The following ZMAT4 variants were observed in gnomAD, a reference collection of about 807,000 sequenced individuals.
ZMAT4 encodes zinc finger matrin-type 4.
ZMAT4 carries 17 observed loss-of-function variants against 28.7 expected under a neutral mutation model. The observed-to-expected ratio is 0.59, with a 90% confidence interval of 0.41 to 0.89. ZMAT4 has a LOEUF of 0.89. ZMAT4 is among the 40% of genes least tolerant of loss of function. The pLI is 0.00. For synonymous variants in ZMAT4, 117 were observed against 109.2 expected, an observed-to-expected ratio of 1.07 and a Z score of -0.44; for missense variants, 240 against 283.8, an observed-to-expected ratio of 0.85 and a Z score of 1.11.
intron 5 of ZMAT4, among the ~76,000 whole-genome samples, chr8:40,668,879 G>T (rs1320928695): frequency 4.1e-5 from 6 of 146,780 alleles, no homozygotes; most frequent in African/African-American, 5.0e-5. Flanking sequence ...CTTTTAAAGT[G>T]TTTTTTTTTT....
chr8:40,573,890 G>A (rs755050683), intron 6 of ZMAT4, among the ~76,000 whole-genome samples: 1 of 152,186 alleles, frequency 6.6e-6, no homozygotes, highest in Non-Finnish European at 1.5e-5. Flanking sequence ...AAAGTCACAA[G>A]AGGATTAAAA....
intron 5 of ZMAT4, among the ~76,000 whole-genome samples, chr8:40,654,389 T>A (rs571068280): frequency 2.6e-5 from 4 of 152,158 alleles, no homozygotes; most frequent in Non-Finnish European, 5.9e-5. Context: ...AAGCATCACA[T>A]ACATAAAGCT....
intron 6 of ZMAT4, among the ~76,000 whole-genome samples, chr8:40,548,214 A>T (rs753710588): frequency 2.6e-5 from 4 of 152,174 alleles, no homozygotes; most frequent in Non-Finnish European, 5.9e-5. Context: ...GCTGAACAAG[A>T]TGGAAAACCA....
chr8:40,757,029 G>A (rs1391984738), intron 3 of ZMAT4, among the ~76,000 whole-genome samples: 1 of 152,042 alleles, frequency 6.6e-6, no homozygotes, highest in Non-Finnish European at 1.5e-5. Context: ...TTGGAACGCA[G>A]GGCAGCACTT....
chr8:40,586,879 G>A (rs775709616), intron 5 of ZMAT4, among the ~76,000 whole-genome samples: 7 of 152,136 alleles, frequency 4.6e-5, no homozygotes, highest in Non-Finnish European at 1.0e-4. Context: ...GGTTGTGAAA[G>A]TGTTGCACAG....
intron 3 of ZMAT4, among the ~76,000 whole-genome samples, chr8:40,707,234 C>T (rs898856868): frequency 3.2e-4 from 45 of 139,480 alleles, no homozygotes; most frequent in South Asian, 5.5e-4. Context: ...CCCCCCACCC[C>T]CATCTGACAG....
At chr8:40,846,411 C>T (rs974168275) in intron 1 of ZMAT4, among the ~76,000 whole-genome samples, 1 of 152,166 alleles carries the variant, frequency 6.6e-6, no homozygotes, top group African/African-American at 2.4e-5. Flanking sequence ...AGCTCTGGTC[C>T]GCAGAGGGAG....
chr8:40,760,263 C>A (rs1043430231), intron 3 of ZMAT4, among the ~76,000 whole-genome samples: 1 of 152,210 alleles, frequency 6.6e-6, no homozygotes, highest in African/African-American at 2.4e-5. Flanking sequence ...TTGGGACATT[C>A]CCCCTATTGC....
chr8:40,842,597 C>T (rs1337879491), intron 1 of ZMAT4, among the ~76,000 whole-genome samples: 1 of 152,198 alleles, frequency 6.6e-6, no homozygotes, highest in South Asian at 2.1e-4. Flanking sequence ...CAAGAGAAAG[C>T]AGTGATTTAC....
At chr8:40,749,894 A>G (rs1254551343) in intron 3 of ZMAT4, among the ~76,000 whole-genome samples, 2 of 152,244 alleles carry the variant, frequency 1.3e-5, no homozygotes, top group Admixed American at 1.3e-4. Flanking sequence ...AGCAATGCTT[A>G]CATGATAGAA....
chr8:40,539,986 G>A (rs1802976005), intron 6 of ZMAT4, among the ~76,000 whole-genome samples: 1 of 152,190 alleles, frequency 6.6e-6, no homozygotes, highest in Non-Finnish European at 1.5e-5. Context: ...CCTTTAGGGA[G>A]GAGAGGCTGG....
intron 2 of ZMAT4, among the ~76,000 whole-genome samples, chr8:40,815,212 T>A (rs1563502987): frequency 6.6e-6 from 1 of 151,258 alleles, no homozygotes; most frequent in Non-Finnish European, 1.5e-5. Flanking sequence ...GAGGTGGAGG[T>A]TGCAGTGAGC....
intron 2 of ZMAT4, among the ~76,000 whole-genome samples, chr8:40,791,120 A>C (rs1353416268): frequency 6.6e-6 from 1 of 152,254 alleles, no homozygotes; most frequent in African/African-American, 2.4e-5. Flanking sequence ...GCACCATATT[A>C]AAAATTAACT....
chr8:40,623,679 G>A lies in ZMAT4; in HGVS notation c.578-42418C>T, dbSNP rs183886470. Among the ~76,000 whole-genome samples the A allele has an allele frequency of 3.9e-5, 6 of 152,280 alleles. No individual in the cohort carries two copies. The East Asian group carries it at 1.2e-3, about 29-fold the overall frequency. ...CGTTCCAGCAACAACCAGAGGGTGA[G>A]AGTTCTCTTGGTTGTTGGAAATCTG... On this transcript the variant is annotated intron_variant, in intron 5 of 6. Transcript: ENST00000297737.
chr8:40,886,995 C>T (rs1397399869), intron 1 of ZMAT4, among the ~76,000 whole-genome samples: 1 of 151,954 alleles, frequency 6.6e-6, no homozygotes, highest in Non-Finnish European at 1.5e-5. Flanking sequence ...CATGGTGAAA[C>T]CCCGTCTCTA....
At chr8:40,784,233 T>A (rs932741497) in intron 2 of ZMAT4, among the ~76,000 whole-genome samples, 1 of 152,266 alleles carries the variant, frequency 6.6e-6, no homozygotes, top group Non-Finnish European at 1.5e-5. Flanking sequence ...TCATGATCAA[T>A]CATGGATTAA....
chr8:40,554,209 A>G (rs1339153478), intron 6 of ZMAT4, among the ~76,000 whole-genome samples: 1 of 152,146 alleles, frequency 6.6e-6, no homozygotes. Flanking sequence ...GTGTTTGGGT[A>G]AAAAGCAAGG....
At chr8:40,754,374 T>A (rs1300825193) in intron 3 of ZMAT4, among the ~76,000 whole-genome samples, 2 of 152,076 alleles carry the variant, frequency 1.3e-5, no homozygotes, top group Non-Finnish European at 2.9e-5. Flanking sequence ...CCTTCTTTCC[T>A]CTCCTCTGTA....
At chr8:40,563,748 T>C (rs1803823858) in intron 6 of ZMAT4, among the ~76,000 whole-genome samples, 1 of 152,120 alleles carries the variant, frequency 6.6e-6, no homozygotes. Context: ...TTTAGACCCA[T>C]GAATTTTGTG....
Sources: gnomAD v4.1 joint callset for allele counts (sites outside exome capture counted in the v4.1 genomes callset) on GRCh38, gnomAD v4.1.1 for gene constraint, MANE v1.5 for transcripts, NCBI Gene and HGNC (gene_info 2026-07-23, HGNC 2026-07-21) for gene names.